Variants in DRD3 observed in about 807,000 individuals in gnomAD.
DRD3 encodes D(3) dopamine receptor.
DRD3 carries 19 observed loss-of-function variants against 36.3 expected under a neutral mutation model. That is an observed-to-expected ratio of 0.52 (90% CI 0.36 to 0.77). DRD3 has a LOEUF of 0.77. DRD3 is among the 30% of genes least tolerant of loss of function. The pLI, the probability that DRD3 is intolerant of heterozygous loss-of-function variation, is 0.00. For missense variants in DRD3, 465 were observed against 505.3 expected (o/e 0.92, Z 0.77); for synonymous variants, 195 against 203.7 (o/e 0.96, Z 0.36).
At chr3:114,190,716 G>T (rs1367305395) in intron 1 of DRD3, among the ~76,000 whole-genome samples, 1 of 151,596 alleles carries the variant, frequency 6.6e-6, no homozygotes, top group African/African-American at 2.4e-5. Flanking sequence ...CTATGTCATG[G>T]TACTGTTTTA....
In DRD3 at chr3:114,172,640, G is replaced by T. The variant is rs544768374; in HGVS notation, c.-35-613C>A. ...TGAGTGAGATGGGAAGCTGTTGCAG[G>T]ATTACAATCCCAGCTCTGCTGCTTC... is the stretch of plus-strand genomic sequence containing the variant. On this transcript the variant is annotated intron_variant, in intron 1 of 6. Coordinates refer to ENST00000383673, the MANE Select transcript of DRD3 (RefSeq NM_000796.6). Among the ~76,000 whole-genome samples the T allele has an allele frequency of 4.6e-5, 7 of 152,274 alleles. No homozygotes were observed. The East Asian group carries it at 1.4e-3, about 29-fold the overall frequency.
At chr3:114,145,141 G>A (rs1374457491) in intron 4 of DRD3, among the ~76,000 whole-genome samples, 2 of 151,988 alleles carry the variant, frequency 1.3e-5, no homozygotes, top group Admixed American at 1.3e-4. Context: ...ATGTTGGCAG[G>A]GATTTGCTTT....
At position 114,170,204 on chromosome 3, in the gene DRD3, CA is replaced by C. The variant is rs1291237338; in HGVS notation, c.270+1518del. The stretch of plus-strand genomic sequence containing the variant: ...TGTAAAATAACAAATAGCTCGTCCC[CA>C]AAAGTCCTCTCCCCAAAAAGTCTGA... On this transcript the variant is annotated intron_variant, in intron 2 of 6. Transcript: ENST00000383673. Among the ~76,000 whole-genome samples, 74 of 152,094 alleles carry C rather than the reference CA, an allele frequency of 4.9e-4. 1 individual carries two copies. The highest frequency in any genetic ancestry group is 4.8e-3 in the Admixed American group (74 of 15,272).
chr3:114,186,495 C>A (rs1036182132), intron 1 of DRD3, among the ~76,000 whole-genome samples: 1 of 152,110 alleles, frequency 6.6e-6, no homozygotes, highest in African/African-American at 2.4e-5. Flanking sequence ...GTGCAACAAC[C>A]GTGGTAGCAT....
intron 3 of DRD3, among the ~76,000 whole-genome samples, chr3:114,158,255 G>GA (rs35903033): frequency 0.88 from 125,147 of 142,842 alleles, 54,610 homozygotes; most frequent in Non-Finnish European, 0.91. Context: ...CTGCAAAAAA[G>GA]AAAAAAAAAA....
intron 2 of DRD3, among the ~76,000 whole-genome samples, chr3:114,160,278 C>G (rs2077720486): frequency 6.6e-6 from 1 of 151,752 alleles, no homozygotes; most frequent in Non-Finnish European, 1.5e-5. Context: ...TGGAGTTTTG[C>G]TCTTGTTGCC....
At chr3:114,141,775 G>C (rs2077525431) in intron 4 of DRD3, among the ~76,000 whole-genome samples, 1 of 152,138 alleles carries the variant, frequency 6.6e-6, no homozygotes, top group African/African-American at 2.4e-5. Context: ...ATAGGGGCCA[G>C]GCATGGTGGC....
Position 114,139,654 on chromosome 3 carries a change from A to G in DRD3, c.569T>C (p.Ile190Thr). The G allele has an allele frequency of 6.2e-7, 1 of 1,614,200 alleles. No homozygotes were observed. The highest frequency in any genetic ancestry group is 8.5e-7 in the Non-Finnish European group (1 of 1,180,030). The change falls in exon 5 of 7, where the codon ATC (isoleucine) becomes ACC (threonine). Residue 190 changes from isoleucine to threonine, a missense_variant. Physicochemically the swap from Ile to Thr is moderately conservative, Grantham distance 89. Transcript: ENST00000383673. ...VCSISNPDFV[I>T]YSSVVSFYLP... Reference sequence around the variant, plus strand: ...GTAGAAGGACACCACTGAAGAGTAGATGACAAAATCAGGGTTGGAGATGGA... The same window carrying G: ...GTAGAAGGACACCACTGAAGAGTAGGTGACAAAATCAGGGTTGGAGATGGA...
intron 3 of DRD3, among the ~76,000 whole-genome samples, chr3:114,155,064 A>C (rs1464574869): frequency 6.6e-6 from 1 of 152,156 alleles, no homozygotes; most frequent in East Asian, 1.9e-4. Context: ...TTTCTTTCAT[A>C]TCTCTTTCCA....
intron 1 of DRD3, among the ~76,000 whole-genome samples, chr3:114,173,847 T>C (rs2107888230): frequency 6.6e-6 from 1 of 152,324 alleles, no homozygotes; most frequent in South Asian, 2.1e-4. Context: ...TCTTCAGGCC[T>C]TGGCAAAAGT....
intron 2 of DRD3, among the ~76,000 whole-genome samples, chr3:114,168,547 A>C (rs1278966073): frequency 4.6e-5 from 7 of 152,020 alleles, no homozygotes; most frequent in Admixed American, 4.6e-4. Context: ...TACTACAGGG[A>C]AAGTGCATGC....
chr3:114,155,345 A>G (rs905751194), intron 3 of DRD3, among the ~76,000 whole-genome samples: 4 of 152,180 alleles, frequency 2.6e-5, no homozygotes, highest in Non-Finnish European at 5.9e-5. Flanking sequence ...TCATTGGCCC[A>G]TATAGAACTA....
At chr3:114,137,191 G>A (rs2077482107) in intron 5 of DRD3, among the ~76,000 whole-genome samples, 1 of 152,174 alleles carries the variant, frequency 6.6e-6, no homozygotes, top group African/African-American at 2.4e-5. Flanking sequence ...CAGTATTGTG[G>A]GAAAAGGTCT....
At chr3:114,159,590 G>T (rs760966434) in intron 3 of DRD3, among the ~76,000 whole-genome samples, 165 bp downstream of exon 3, 1 of 152,164 alleles carries the variant, frequency 6.6e-6, no homozygotes, top group Non-Finnish European at 1.5e-5. Context: ...TGTCGCAGGG[G>T]TTTCTTCTCA....
chr3:114,155,849 T>A (rs1449703935), intron 3 of DRD3, among the ~76,000 whole-genome samples: 1 of 152,110 alleles, frequency 6.6e-6, no homozygotes, highest in Non-Finnish European at 1.5e-5. Flanking sequence ...TCTCCCATTC[T>A]CTGACGTCCT....
intron 1 of DRD3, among the ~76,000 whole-genome samples, chr3:114,188,081 G>C (rs1199839531): frequency 6.6e-6 from 1 of 152,058 alleles, no homozygotes; most frequent in Non-Finnish European, 1.5e-5. Flanking sequence ...TTCGGCTGGG[G>C]CTTTGGCAAA....
chr3:114,161,183 C>A (rs2077729343), intron 2 of DRD3, among the ~76,000 whole-genome samples: 1 of 152,180 alleles, frequency 6.6e-6, no homozygotes, highest in South Asian at 2.1e-4. Flanking sequence ...GTGCCTCTGG[C>A]TGTAGCTGAG....
At chr3:114,160,727 A>T (rs965758661) in intron 2 of DRD3, among the ~76,000 whole-genome samples, 1 of 152,200 alleles carries the variant, frequency 6.6e-6, no homozygotes, top group Non-Finnish European at 1.5e-5. Context: ...AAACATTCTG[A>T]AACAACATTT....
chr3:114,150,285 A>C (rs1325347333), intron 3 of DRD3, among the ~76,000 whole-genome samples: 1 of 152,210 alleles, frequency 6.6e-6, no homozygotes. Context: ...CTTGCCCTCC[A>C]TTAATCTCAG....
Sources: allele counts gnomAD v4.1 joint callset (sites outside exome capture counted in the v4.1 genomes callset), GRCh38; gene constraint gnomAD v4.1.1; transcripts MANE v1.5; gene names NCBI Gene and HGNC (gene_info 2026-07-23, HGNC 2026-07-21).